The following CAMTA1 variants were observed in gnomAD, a reference collection of about 807,000 sequenced individuals.
CAMTA1 encodes the protein calmodulin binding transcription activator 1.
Under a neutral mutation model 170.9 loss-of-function variants are expected in CAMTA1, and 27 were observed. The observed-to-expected ratio is 0.16, with a 90% CI of 0.12 to 0.22. CAMTA1 has a LOEUF of 0.22. Ranked by LOEUF, CAMTA1 falls within the 10% of genes least tolerant of loss-of-function variation. The pLI, the probability that CAMTA1 is intolerant of heterozygous loss-of-function variation, is 1.00. For missense variants in CAMTA1, 1,619 were observed against 2,217.2 expected (o/e 0.73, Z 5.42); for synonymous variants, 833 against 891.5 (o/e 0.93, Z 1.17).
intron 1 of CAMTA1, among the ~76,000 whole-genome samples, chr1:6,819,255 G>C (rs1646201763): frequency 6.6e-6 from 1 of 151,982 alleles, no homozygotes; most frequent in Non-Finnish European, 1.5e-5. Context: ...AAACAAAAAA[G>C]ATATTTTTAG....
At chr1:7,364,691 G>A (rs184859177) in intron 5 of CAMTA1, among the ~76,000 whole-genome samples, 5 of 152,294 alleles carry the variant, frequency 3.3e-5, no homozygotes, top group East Asian at 1.9e-4. Flanking sequence ...GGTAGGATGC[G>A]TGAGATGCTT....
chr1:6,859,424 C>T (rs1357581007), intron 3 of CAMTA1, among the ~76,000 whole-genome samples: 1 of 152,148 alleles, frequency 6.6e-6, no homozygotes, highest in Non-Finnish European at 1.5e-5. Context: ...AAGTGATGCA[C>T]TTAACATCTC....
chr1:7,720,144 A>T (rs1199030455), intron 11 of CAMTA1, among the ~76,000 whole-genome samples: 2 of 152,208 alleles, frequency 1.3e-5, no homozygotes, highest in African/African-American at 4.8e-5. Flanking sequence ...GCAGGCATTC[A>T]TATTCATGGA....
rs1366765087 is a variant in CAMTA1, at chr1:7,048,220, A to G, written c.235-43084A>G. 3.3e-5 allele frequency among the ~76,000 whole-genome samples: 5 copies of G among 152,126 alleles called. No individual in the cohort carries two copies. In the East Asian group the frequency reaches 7.7e-4, roughly 24 times the overall value. On this transcript the variant is annotated intron_variant, in intron 3 of 22. Transcript: ENST00000303635. Reference sequence around the variant, plus strand: ...GCTGTGCTTTATTAAGATCATTTGAATATTATGGCTTTAGGAACAGAACCT... The same window carrying G: ...GCTGTGCTTTATTAAGATCATTTGAGTATTATGGCTTTAGGAACAGAACCT...
At chr1:7,155,274 T>A (rs1646800696) in intron 4 of CAMTA1, among the ~76,000 whole-genome samples, 1 of 150,282 alleles carries the variant, frequency 6.7e-6, no homozygotes, top group Non-Finnish European at 1.5e-5. Flanking sequence ...AGTGAGACAC[T>A]CAAAGCCTCG....
In CAMTA1 at chr1:6,822,857, C is replaced by T. The variant is rs186630753; in HGVS notation, c.116-2235C>T. On this transcript the variant is annotated intron_variant, in intron 2 of 22. Coordinates refer to ENST00000303635, the MANE Select transcript of CAMTA1 (RefSeq NM_015215.4). The stretch of plus-strand genomic sequence containing the variant: ...ACACACACGCACACTCTTTATATAC[C>T]GCACAGTAGCTGGGTTCCTCGAAGA... 2.8e-3 allele frequency among the ~76,000 whole-genome samples: 430 copies of T among 151,826 alleles called. 3 individuals carry two copies. The highest frequency in any genetic ancestry group is 8.9e-3 in the African/African-American group (367 of 41,424).
rs941667001 is a variant in CAMTA1 at position 7,400,823 on chromosome 1, G to T, written c.439-67007G>T. On this transcript the variant is annotated intron_variant, in intron 5 of 22. Coordinates refer to ENST00000303635, the MANE Select transcript of CAMTA1 (RefSeq NM_015215.4). ...TGTGTGGCTGATCCACCCCACTTGGGTGCTGCTCCTGTGGAAGTGGGGCAC... is the reference window on the plus strand; with the variant it reads ...TGTGTGGCTGATCCACCCCACTTGGTTGCTGCTCCTGTGGAAGTGGGGCAC... 3.9e-5 allele frequency among the ~76,000 whole-genome samples: 6 copies of T among 152,162 alleles called. No homozygotes were observed. The East Asian group carries it at 1.2e-3, about 29-fold the overall frequency.
intron 3 of CAMTA1, among the ~76,000 whole-genome samples, chr1:6,967,415 A>C (rs1557899574): frequency 6.6e-6 from 1 of 151,782 alleles, no homozygotes; most frequent in Non-Finnish European, 1.5e-5. Context: ...CATGCTTTGC[A>C]CCTCCCAGCT....
At chr1:6,954,579 T>C (rs10864255) in intron 3 of CAMTA1, among the ~76,000 whole-genome samples, 82,264 of 152,074 alleles carry the variant, frequency 0.54, 22,715 homozygotes, top group Non-Finnish European at 0.61. Context: ...ACCTGGTACA[T>C]AGTAGCCCGA....
chr1:6,848,079 A>G (rs914272132), intron 3 of CAMTA1, among the ~76,000 whole-genome samples: 1 of 152,038 alleles, frequency 6.6e-6, no homozygotes, highest in Non-Finnish European at 1.5e-5. Context: ...ACTCTTGACC[A>G]CAGGTGATCC....
At chr1:7,651,047 C>T (rs772296993) in intron 7 of CAMTA1, among the ~76,000 whole-genome samples, 45 of 152,294 alleles carry the variant, frequency 3.0e-4, no homozygotes, top group Admixed American at 5.2e-4. Context: ...CGTCCGCCTC[C>T]GGCACGTGGT....
At chr1:7,358,325 G>A (rs2085281732) in intron 5 of CAMTA1, among the ~76,000 whole-genome samples, 1 of 152,224 alleles carries the variant, frequency 6.6e-6, no homozygotes, top group Non-Finnish European at 1.5e-5. Flanking sequence ...AGTCATGGAA[G>A]CAGACACTAA....
At chr1:7,754,494 A>G (rs1238270618) in intron 21 of CAMTA1, among the ~76,000 whole-genome samples, 1 of 152,232 alleles carries the variant, frequency 6.6e-6, no homozygotes, top group East Asian at 1.9e-4. Flanking sequence ...AGAATGAGAT[A>G]TTTAAACAAA....
intron 3 of CAMTA1, among the ~76,000 whole-genome samples, chr1:6,926,442 TTCTTTCTTTCTTTCTTTC>T (rs1207995849): frequency 6.1e-5 from 2 of 32,656 alleles, no homozygotes; most frequent in African/African-American, 3.7e-4. Context: ...TCTTTTCTCT[TTCTTTCTTTCTTTCTTTC>T]TTTCTTTCTT....
intron 3 of CAMTA1, among the ~76,000 whole-genome samples, chr1:6,906,385 T>G (rs1678484431): frequency 6.6e-6 from 1 of 152,176 alleles, no homozygotes; most frequent in South Asian, 2.1e-4. Flanking sequence ...GGCTCTGCTT[T>G]TCCTTCCTCA....
At position 6,996,686 on chromosome 1, in the gene CAMTA1, AAAAAAAG is replaced by A. The variant is rs1697304743; in HGVS notation, c.235-94614_235-94608del. 2.6e-5 allele frequency among the ~76,000 whole-genome samples: 3 copies of A among 116,046 alleles called. No individual in the cohort carries two copies. In the Admixed American group the frequency reaches 2.9e-4, roughly 11 times the overall value. The allele number at this position is 116,046 out of a possible 152,430, so 76.1% of individuals were successfully genotyped here. A position where few individuals can be genotyped will look rare whatever the true frequency, so the allele number is the denominator to read the frequency against. On this transcript the variant is annotated intron_variant, in intron 3 of 22. Transcript: ENST00000303635. ...TGCCTCAGGCAAAAAGCTATTTAAA[AAAAAAAG>A]AAAGAAAGAAAGAAAGAAAGAAAAA...
intron 4 of CAMTA1, among the ~76,000 whole-genome samples, chr1:7,200,358 T>G (rs1480329914): frequency 6.6e-6 from 1 of 152,218 alleles, no homozygotes; most frequent in Non-Finnish European, 1.5e-5. Context: ...GTCAGGAAAT[T>G]AACATCAATG....
chr1:7,663,645 C>A lies in CAMTA1; in HGVS notation c.1098C>A (p.Leu366=), dbSNP rs2095979770. Residue 366 remains leucine, a synonymous_variant, in exon 9 of 23, where the codon CTC becomes CTA. Transcript: ENST00000303635. ...QSSPVSISSG[L]NSDPDMVDSP... ...CCCCTGTGTCCATCAGCAGCGGGCT[C>A]AACAGCGACCCGGACATGGTGGACA... The A allele has an allele frequency of 6.2e-7, 1 of 1,614,052 alleles. No homozygotes were observed. Among genetic ancestry groups the A allele is most frequent in the African/African-American group, 1.3e-5 (1 of 74,922 alleles).
intron 6 of CAMTA1, among the ~76,000 whole-genome samples, chr1:7,491,264 G>A (rs1391260120): frequency 6.6e-6 from 1 of 152,118 alleles, no homozygotes; most frequent in African/African-American, 2.4e-5. Context: ...CCTCTTTCCT[G>A]TTCATAAGGT....
Sources: allele counts gnomAD v4.1 joint callset (sites outside exome capture counted in the v4.1 genomes callset), GRCh38; gene constraint gnomAD v4.1.1; transcripts MANE v1.5; gene names NCBI Gene and HGNC (gene_info 2026-07-23, HGNC 2026-07-21).